RFFL: variants seen among roughly 807,000 people sequenced by gnomAD.
RFFL encodes E3 ubiquitin-protein ligase rififylin.
In RFFL, 16 loss-of-function variants were observed where a neutral mutation model predicts 40.4. The observed-to-expected ratio is 0.40, with a 90% CI of 0.27 to 0.60. The LOEUF (loss-of-function observed/expected upper bound fraction) is 0.60, where lower values mean the gene tolerates loss of function less well. Ranked by LOEUF, RFFL falls within the 20% of genes least tolerant of loss-of-function variation. The pLI, the probability that RFFL is intolerant of heterozygous loss-of-function variation, is 0.47. For missense variants in RFFL, 367 were observed against 451.7 expected (o/e 0.81, Z 1.70); for synonymous variants, 154 against 167.9 (o/e 0.92, Z 0.64).
At chr17:35,078,223 T>C (rs983489705) in intron 1 of RFFL, among the ~76,000 whole-genome samples, 1 of 152,146 alleles carries the variant, frequency 6.6e-6, no homozygotes. Flanking sequence ...GCAGTAAACA[T>C]ATAACCTTAC....
At chr17:35,083,187 C>T (rs931061297) in intron 1 of RFFL, among the ~76,000 whole-genome samples, 1 of 152,208 alleles carries the variant, frequency 6.6e-6, no homozygotes, top group Admixed American at 6.5e-5. Flanking sequence ...TAACTAGATT[C>T]AACTACCTAT....
rs745600307 is a variant in RFFL at position 35,021,451 on chromosome 17, G to A, written c.511C>T (p.Pro171Ser). 1 of 1,554,408 alleles carries A rather than the reference G, an allele frequency of 6.4e-7. No individual in the cohort carries two copies. The highest frequency in any genetic ancestry group is 8.7e-7 in the Non-Finnish European group (1 of 1,152,986). ...FLTQPHSSMV[P>S]PTSPNLPSSS... ...GAGGGGAGGTTGGGTGAGGTAGGTG[G>A]AACCATGCTGGAGTGAGGCTGGGTC... Residue 171 changes from proline (P) to serine (S), a missense_variant, in exon 3 of 7, where the codon CCA becomes TCA. By Grantham distance (74) the Pro-to-Ser change is moderately conservative. Transcript: ENST00000394597.
At position 35,027,243 on chromosome 17, in the gene RFFL, C is replaced by T. The variant is rs537714750; in HGVS notation, c.-8-682G>A. On this transcript the variant is annotated intron_variant, in intron 1 of 6. Transcript: ENST00000394597. ...CCCAATCCTAGATAAACTTCTATCA[C>T]AGCACCTATTATACTTTCTTGCACA... Among the ~76,000 whole-genome samples the T allele has an allele frequency of 3.9e-4, 59 of 152,342 alleles. No homozygotes were observed. In the South Asian group the frequency reaches 0.011, roughly 29 times the overall value.
At chr17:35,024,553 C>T (rs1464045294) in intron 2 of RFFL, among the ~76,000 whole-genome samples, 1 of 152,138 alleles carries the variant, frequency 6.6e-6, no homozygotes, top group Non-Finnish European at 1.5e-5. Flanking sequence ...GTACAGCCTG[C>T]CATTTCTCTT....
At chr17:35,085,941 G>C (rs1006413685) in intron 1 of RFFL, among the ~76,000 whole-genome samples, 4 of 152,192 alleles carry the variant, frequency 2.6e-5, no homozygotes, top group African/African-American at 9.7e-5. Context: ...GGCATAACAG[G>C]ATTAGCTATG....
At chr17:35,060,215 G>A (rs2091283263) in intron 1 of RFFL, among the ~76,000 whole-genome samples, 1 of 152,144 alleles carries the variant, frequency 6.6e-6, no homozygotes, top group African/African-American at 2.4e-5. Context: ...GTTGGAGTAC[G>A]CACACCATTA....
rs1430387752 is a variant in RFFL at position 35,008,886 on chromosome 17, C to G, written c.*3082G>C. ...GACCTCGTGATCTGCCCGCCTCAGC[C>G]TCCCAAAGTGCTGGGATTACAGGCG... On this transcript the variant is annotated 3_prime_UTR_variant, in exon 7 of 7. Coordinates refer to ENST00000394597, the MANE Select transcript of RFFL (RefSeq NM_001017368.2). 2.0e-5 allele frequency: 3 copies of G among 152,262 alleles called. No individual in the cohort carries two copies. Among genetic ancestry groups the G allele is most frequent in the Non-Finnish European group, 4.4e-5 (3 of 68,090 alleles). 9.4% of individuals were successfully genotyped at this position (152,262 alleles called of 1,614,324 possible).
chr17:35,023,508 G>A (rs953497781), intron 2 of RFFL, among the ~76,000 whole-genome samples: 3 of 152,202 alleles, frequency 2.0e-5, no homozygotes, highest in Non-Finnish European at 2.9e-5. Context: ...GCATTGTAAC[G>A]GTTCTGGGAC....
At chr17:35,044,151 C>T (rs1266433836) in intron 1 of RFFL, among the ~76,000 whole-genome samples, 1 of 152,232 alleles carries the variant, frequency 6.6e-6, no homozygotes, top group Non-Finnish European at 1.5e-5. Flanking sequence ...TGCATTGGCA[C>T]CATCATAGCA....
chr17:35,033,187 G>A (rs2091096841), intron 1 of RFFL, among the ~76,000 whole-genome samples: 2 of 152,154 alleles, frequency 1.3e-5, no homozygotes, highest in South Asian at 4.1e-4. Context: ...TAGAGGAAGT[G>A]AAGCTGACAA....
At chr17:35,078,896 C>T (rs1485783139) in intron 1 of RFFL, among the ~76,000 whole-genome samples, 2 of 151,332 alleles carry the variant, frequency 1.3e-5, no homozygotes, top group Non-Finnish European at 2.9e-5. Context: ...GGGAGAATCA[C>T]GTGAACCCAG....
chr17:35,083,838 T>C (rs1946716325), intron 1 of RFFL, among the ~76,000 whole-genome samples: 2 of 150,700 alleles, frequency 1.3e-5, no homozygotes, highest in Non-Finnish European at 3.0e-5. Context: ...ATTTTCAAAG[T>C]TCCATGGGGC....
rs1367259240 is a variant in RFFL at position 35,009,471 on chromosome 17, G to A, written c.*2497C>T. ...TCATTAAAACCAAGGATCCATGAGG[G>A]GCAGAAGGGAGGATTCAAAGATTTA... On this transcript the variant is annotated 3_prime_UTR_variant, in exon 7 of 7. Coordinates refer to ENST00000394597, the MANE Select transcript of RFFL (RefSeq NM_001017368.2). 1 of 151,170 alleles carries A rather than the reference G, an allele frequency of 6.6e-6. No homozygotes were observed. The highest frequency in any genetic ancestry group is 1.5e-5 in the Non-Finnish European group (1 of 67,866). 9.4% of individuals were successfully genotyped at this position (151,170 alleles called of 1,614,324 possible).
Position 35,011,739 on chromosome 17 carries a change from CATACCCATGTGATTTATACA to C in RFFL, c.*209_*228del. 1.9e-6 allele frequency: 1 copy of C among 539,542 alleles called. No homozygotes were observed. Among genetic ancestry groups the C allele is most frequent in the Non-Finnish European group, 3.3e-6 (1 of 299,190 alleles). The allele number at this position is 539,542 out of a possible 1,614,324, so 33.4% of individuals were successfully genotyped here. On this transcript the variant is annotated 3_prime_UTR_variant, in exon 7 of 7. Coordinates refer to ENST00000394597, the MANE Select transcript of RFFL (RefSeq NM_001017368.2). ...CACTCCAAGATCACTGAACCAAGAA[CATACCCATGTGATTTATACA>C]AGTTCCCACTGGCCTTGGGCTTTGC...
intron 1 of RFFL, among the ~76,000 whole-genome samples, chr17:35,046,178 A>T (rs1414910350): frequency 6.6e-6 from 1 of 152,176 alleles, no homozygotes; most frequent in African/African-American, 2.4e-5. Flanking sequence ...AAAACAAAAG[A>T]AAAGAAAAAT....
chr17:35,077,334 C>G (rs900774555), intron 1 of RFFL, among the ~76,000 whole-genome samples: 1 of 152,102 alleles, frequency 6.6e-6, no homozygotes, highest in African/African-American at 2.4e-5. Context: ...TAGAACAATG[C>G]TATTCAAAGT....
In RFFL at chr17:35,016,491, C is replaced by T. The variant is rs2090974132; in HGVS notation, c.765G>A (p.Val255=). The change falls in exon 5 of 7, where the codon GTG becomes GTA. Residue 255 remains valine, a synonymous_variant. Transcript: ENST00000394597. ...TDLEDIEGLT[V]RQLKEILARN... is the part of the protein sequence containing the mutation. ...GAGCCAAGATCTCTTTCAGCTGCCG[C>T]ACTGTCAGGCCTTCAATGTCCTCCA... is the stretch of plus-strand genomic sequence containing the variant. 1.2e-6 allele frequency: 2 copies of T among 1,614,082 alleles called. No homozygotes were observed. Among genetic ancestry groups the T allele is most frequent in the African/African-American group, 2.7e-5 (2 of 74,934 alleles).
chr17:35,022,515 A>G (rs555113158), intron 2 of RFFL, among the ~76,000 whole-genome samples: 3 of 152,358 alleles, frequency 2.0e-5, no homozygotes, highest in East Asian at 3.9e-4. Context: ...AGACAAAGCA[A>G]CCGAGGCTTA....
At chr17:35,023,298 T>G (rs1362265821) in intron 2 of RFFL, among the ~76,000 whole-genome samples, 1 of 152,216 alleles carries the variant, frequency 6.6e-6, no homozygotes, top group Non-Finnish European at 1.5e-5. Flanking sequence ...GTCTGCATAG[T>G]TAAGATAGTT....
Sources: gnomAD v4.1 joint callset for allele counts (sites outside exome capture counted in the v4.1 genomes callset) on GRCh38, gnomAD v4.1.1 for gene constraint, MANE v1.5 for transcripts, NCBI Gene and HGNC (gene_info 2026-07-23, HGNC 2026-07-21) for gene names.